IQGAP2: variants seen among roughly 807,000 people sequenced by gnomAD.
The protein encoded by IQGAP2 is ras GTPase-activating-like protein IQGAP2.
IQGAP2 carries 173 observed loss-of-function variants against 201.3 expected under a neutral mutation model. The ratio of observed to expected loss-of-function variants is 0.86; its 90% CI spans 0.76 to 0.98. The LOEUF (loss-of-function observed/expected upper bound fraction) is 0.98. IQGAP2 is among the 50% of genes least tolerant of loss of function. IQGAP2 has a pLI of 0.00. For missense variants in IQGAP2, 1,687 were observed against 1,864.8 expected (o/e 0.90, Z 1.76); for synonymous variants, 675 against 673.9 (o/e 1.00, Z -0.03).
chr5:76,598,821 C>T (rs1370636903), intron 10 of IQGAP2, among the ~76,000 whole-genome samples: 2 of 152,050 alleles, frequency 1.3e-5, no homozygotes, highest in African/African-American at 2.4e-5. Context: ...AAATTAATAA[C>T]ATTTATGGTG....
chr5:76,505,947 G>T (rs1045655419), intron 2 of IQGAP2, among the ~76,000 whole-genome samples: 9 of 152,074 alleles, frequency 5.9e-5, no homozygotes, highest in African/African-American at 2.2e-4. Context: ...ACGTAATGAG[G>T]TCTTGAACTT....
intron 1 of IQGAP2, among the ~76,000 whole-genome samples, chr5:76,439,670 C>T (rs920745734): frequency 6.6e-6 from 1 of 151,952 alleles, no homozygotes; most frequent in African/African-American, 2.4e-5. Flanking sequence ...AATAGCTACT[C>T]TTGCTCTCTT....
intron 4 of IQGAP2, among the ~76,000 whole-genome samples, chr5:76,572,075 T>C (rs79709881): frequency 0.018 from 2,815 of 152,318 alleles, 85 homozygotes; most frequent in African/African-American, 0.063. Flanking sequence ...TCTATAGTTT[T>C]GGCATTTTGA....
At chr5:76,431,180 G>A (rs1446288287) in intron 1 of IQGAP2, among the ~76,000 whole-genome samples, 1 of 151,940 alleles carries the variant, frequency 6.6e-6, no homozygotes, top group Non-Finnish European at 1.5e-5. Flanking sequence ...TAATAGGAAG[G>A]AGAACCCACT....
intron 2 of IQGAP2, among the ~76,000 whole-genome samples, chr5:76,466,307 G>C (rs1208796884): frequency 6.6e-6 from 1 of 152,240 alleles, no homozygotes; most frequent in East Asian, 1.9e-4. Context: ...TGCACTCCAG[G>C]CTGGATGACA....
Position 76,640,332 on chromosome 5 carries a change from T to C in IQGAP2, c.1924-601T>C, listed in dbSNP as rs57533823. Among the ~76,000 whole-genome samples, 436 of 152,346 alleles carry C rather than the reference T, an allele frequency of 2.9e-3. 1 individual carries two copies. The highest frequency in any genetic ancestry group is 0.01 in the African/African-American group (416 of 41,580). On this transcript the variant is annotated intron_variant, in intron 16 of 35. Transcript: ENST00000274364. ...CGGGCATAAAAGTAAACCCTGTTCA[T>C]ACCCCACATGAAACTTTCTTATAAC...
At chr5:76,626,744 T>C (rs1278749198) in intron 13 of IQGAP2, among the ~76,000 whole-genome samples, 1 of 152,176 alleles carries the variant, frequency 6.6e-6, no homozygotes, top group African/African-American at 2.4e-5. Context: ...GACACTTAGT[T>C]TGGGAACCAC....
At chr5:76,607,275 A>G (rs1306825062) in intron 12 of IQGAP2, 1 of 152,220 alleles carries the variant, frequency 6.6e-6, no homozygotes, top group Non-Finnish European at 1.5e-5. Context: ...TTGCATTTGC[A>G]AAGTTTTCTT....
chr5:76,578,968 G>C (rs1745654783), intron 5 of IQGAP2, among the ~76,000 whole-genome samples: 1 of 151,958 alleles, frequency 6.6e-6, no homozygotes, highest in African/African-American at 2.4e-5. Flanking sequence ...TTGACATGTT[G>C]TTTAGTGCCC....
intron 2 of IQGAP2, among the ~76,000 whole-genome samples, chr5:76,484,045 C>T (rs564454695): frequency 1.3e-5 from 2 of 149,064 alleles, no homozygotes; most frequent in East Asian, 2.0e-4. Flanking sequence ...TTTTTGAGGG[C>T]GGAGACTCTC....
At chr5:76,608,465 T>TA (rs1253956088) in intron 12 of IQGAP2, among the ~76,000 whole-genome samples, 3 of 152,236 alleles carry the variant, frequency 2.0e-5, no homozygotes, top group African/African-American at 7.2e-5. Context: ...CTAAAATTTC[T>TA]AAAATACACC....
rs767233990 is a variant in IQGAP2 at position 76,671,970 on chromosome 5, A to G, written c.3055A>G (p.Thr1019Ala). ...TTGGGTGAACCAACTAGAAACACAGACTGGAGAGGCCAGGTAATAGAATCA... is the reference window on the plus strand; with the variant it reads ...TTGGGTGAACCAACTAGAAACACAGGCTGGAGAGGCCAGGTAATAGAATCA... The part of the protein sequence containing the change: ...KAWVNQLETQ[T>A]GEASKLPYDV... The change falls in exon 24 of 36, where the codon ACT becomes GCT. Residue 1019 changes from threonine (T) to alanine (A), a missense_variant. By Grantham distance (58) the Thr-to-Ala change is moderately conservative. Transcript: ENST00000274364. The G allele has an allele frequency of 3.1e-6, 5 of 1,611,972 alleles. No individual in the cohort carries two copies. The highest frequency in any genetic ancestry group is 3.4e-6 in the Non-Finnish European group (4 of 1,178,362).
intron 1 of IQGAP2, among the ~76,000 whole-genome samples, chr5:76,449,756 T>C (rs528652748): frequency 6.6e-6 from 1 of 152,300 alleles, no homozygotes; most frequent in Middle Eastern, 3.4e-3. Context: ...TCTGAAATTG[T>C]ATTTAGTGGC....
At chr5:76,582,501 T>C (rs765344760) in intron 5 of IQGAP2, among the ~76,000 whole-genome samples, 7 of 152,216 alleles carry the variant, frequency 4.6e-5, no homozygotes, top group Admixed American at 6.5e-5. Context: ...TCCTGTGGTC[T>C]TTCTGCTCTA....
chr5:76,549,684 C>T (rs61365811), intron 2 of IQGAP2, among the ~76,000 whole-genome samples: 2,508 of 152,198 alleles, frequency 0.016, 61 homozygotes, highest in African/African-American at 0.056. Flanking sequence ...CCTCTGTCCT[C>T]GGCTTTGCAG....
At chr5:76,485,267 A>T (rs1242551964) in intron 2 of IQGAP2, among the ~76,000 whole-genome samples, 2 of 152,268 alleles carry the variant, frequency 1.3e-5, no homozygotes, top group East Asian at 3.9e-4. Context: ...CGGTAAGTAT[A>T]TTTTTGTGGA....
At chr5:76,415,926 C>T (rs1286929325) in intron 1 of IQGAP2, among the ~76,000 whole-genome samples, 2 of 136,244 alleles carry the variant, frequency 1.5e-5, no homozygotes, top group African/African-American at 2.9e-5. Context: ...GCCTGGGCAA[C>T]AGAGGGTAAC....
chr5:76,686,541 G>A (rs1027217070), intron 30 of IQGAP2, among the ~76,000 whole-genome samples: 7 of 152,012 alleles, frequency 4.6e-5, no homozygotes, highest in East Asian at 1.9e-4. Flanking sequence ...ACAGCGTCTC[G>A]CTCTGTCGCC....
intron 2 of IQGAP2, among the ~76,000 whole-genome samples, chr5:76,462,605 A>T (rs1754525955): frequency 6.6e-6 from 1 of 152,204 alleles, no homozygotes; most frequent in African/African-American, 2.4e-5. Context: ...TCCCTGGACA[A>T]AGATATGTTC....
Sources: allele counts gnomAD v4.1 joint callset (sites outside exome capture counted in the v4.1 genomes callset), GRCh38; gene constraint gnomAD v4.1.1; transcripts MANE v1.5; gene names NCBI Gene and HGNC (gene_info 2026-07-23, HGNC 2026-07-21).